Variants in MELK observed in about 807,000 individuals in gnomAD.
MELK encodes maternal embryonic leucine zipper kinase.
A neutral mutation model predicts 85.0 loss-of-function variants in MELK; 81 were observed. The ratio of observed to expected loss-of-function variants is 0.95; its 90% confidence interval spans 0.80 to 1.15. The LOEUF is 1.15. Ranked by LOEUF, MELK falls within the 50% of genes most tolerant of loss-of-function variation. The probability of loss-of-function intolerance (pLI) is 0.00; values close to 1 mark genes in which losing one functional copy is unlikely to be tolerated. For missense variants in MELK, 754 were observed against 777.5 expected (o/e 0.97, Z 0.36); for synonymous variants, 252 against 265.0 (o/e 0.95, Z 0.48).
chr9:36,640,778 C>T (rs1829684830), intron 10 of MELK, among the ~76,000 whole-genome samples: 2 of 152,258 alleles, frequency 1.3e-5, no homozygotes, highest in Admixed American at 1.3e-4. Flanking sequence ...GTGTAATAAC[C>T]CCATTTATGA....
intron 1 of MELK, among the ~76,000 whole-genome samples, chr9:36,574,217 ATTG>A (rs1821394757): frequency 6.6e-6 from 1 of 151,950 alleles, no homozygotes; most frequent in Admixed American, 6.6e-5. Flanking sequence ...TGAGTGCCTC[ATTG>A]TTGGTGCTCC....
Position 36,583,664 on chromosome 9 carries a change from T to C in MELK, c.96T>C (p.Leu32=). Reference sequence around the variant, plus strand: ...AGGTCAAACTTGCCTGCCATATCCTTACTGGAGAGATGGTAGCTATAAAAA... The same window carrying C: ...AGGTCAAACTTGCCTGCCATATCCTCACTGGAGAGATGGTAGCTATAAAAA... ...FAKVKLACHI[L]TGEMVAIKIM... is the part of the protein sequence containing the mutation. The change falls in exon 3 of 18, where the codon CTT becomes CTC. Residue 32 remains leucine, a synonymous_variant. Transcript: ENST00000298048. The C allele has an allele frequency of 6.2e-7, 1 of 1,613,050 alleles. No individual in the cohort carries two copies. Among genetic ancestry groups the C allele is most frequent in the Middle Eastern group, 1.7e-4 (1 of 6,056 alleles).
rs543901806 is a variant in MELK at position 36,580,768 on chromosome 9, G to A, written c.-38-876G>A. 9.7e-5 allele frequency among the ~76,000 whole-genome samples: 14 copies of A among 144,394 alleles called. No homozygotes were observed. The East Asian group carries it at 1.8e-3, about 19-fold the overall frequency. The allele number at this position is 144,394 out of a possible 152,430, so 94.7% of individuals were successfully genotyped here. On this transcript the variant is annotated intron_variant, in intron 1 of 17. Coordinates refer to ENST00000298048, the MANE Select transcript of MELK (RefSeq NM_014791.4). ...TTTTGAGACAAAGTCTGGCTGTTTC[G>A]CCCAGGCTAGAGTGCAATGGCACGA...
intron 2 of MELK, among the ~76,000 whole-genome samples, chr9:36,583,236 G>T (rs967449776): frequency 1.3e-5 from 2 of 152,090 alleles, no homozygotes; most frequent in African/African-American, 4.8e-5. Flanking sequence ...GTCTCCCAAA[G>T]TGCTGGGATT....
intron 5 of MELK, 123 bp downstream of exon 5, chr9:36,594,894 C>A: frequency 9.8e-5 from 87 of 883,284 alleles, no homozygotes; most frequent in Non-Finnish European, 1.3e-4. Flanking sequence ...TTGCTCCAGT[C>A]ATACCTATCA....
chr9:36,606,676 T>G (rs540817122), intron 7 of MELK: 1 of 137,156 alleles, frequency 7.3e-6, no homozygotes, highest in African/African-American at 3.1e-5. Flanking sequence ...TATATGGACA[T>G]ATATATGTAT....
intron 8 of MELK, among the ~76,000 whole-genome samples, chr9:36,613,361 C>G (rs1221902184): frequency 6.6e-5 from 10 of 152,160 alleles, no homozygotes; most frequent in Non-Finnish European, 1.0e-4. Flanking sequence ...AAATAGTTAC[C>G]AAACACCTAA....
At chr9:36,605,986 A>G (rs530284617) in intron 7 of MELK, among the ~76,000 whole-genome samples, 1 of 151,372 alleles carries the variant, frequency 6.6e-6, no homozygotes, top group African/African-American at 2.4e-5. Context: ...CTAAGGCTCA[A>G]ATGAGAGTAA....
chr9:36,596,955 C>G (rs961008736), intron 5 of MELK, among the ~76,000 whole-genome samples: 3 of 152,134 alleles, frequency 2.0e-5, no homozygotes, highest in Non-Finnish European at 4.4e-5. Context: ...TGTACCCGGA[C>G]TTTTTAACAG....
chr9:36,588,422 C>T (rs1001282312), intron 3 of MELK, among the ~76,000 whole-genome samples: 1 of 141,118 alleles, frequency 7.1e-6, no homozygotes, highest in Non-Finnish European at 1.5e-5. Context: ...TCTTGTTGCC[C>T]AGGCTGGAGT....
chr9:36,572,941 G>C lies in MELK; in HGVS notation c.-105G>C, dbSNP rs1193763330. 6.6e-6 allele frequency: 1 copy of C among 151,930 alleles called. No homozygotes were observed. The highest frequency in any genetic ancestry group is 2.4e-5 in the African/African-American group (1 of 41,292). 9.4% of individuals were successfully genotyped at this position (151,930 alleles called of 1,614,324 possible). A position where few individuals can be genotyped will look rare whatever the true frequency, so the allele number is the denominator to read the frequency against. ...TTCTTAGGAACGCCGTACCAGCCGC[G>C]TCTCTCAGGACAGCAGGCCCCTGTC... On this transcript the variant is annotated 5_prime_UTR_variant, in exon 1 of 18. Transcript: ENST00000298048.
At chr9:36,599,992 G>A (rs1367090106) in intron 7 of MELK, among the ~76,000 whole-genome samples, 3 of 152,152 alleles carry the variant, frequency 2.0e-5, no homozygotes, top group African/African-American at 4.8e-5. Context: ...TTTTGCTGAT[G>A]TGAGTGTCAT....
At chr9:36,597,008 T>A (rs1270526331) in intron 5 of MELK, among the ~76,000 whole-genome samples, 1 of 152,210 alleles carries the variant, frequency 6.6e-6, no homozygotes, top group Non-Finnish European at 1.5e-5. Context: ...TTAATTTATT[T>A]ATTTTTAAAA....
At chr9:36,617,320 CTTTTTCTT>C (rs1826931232) in intron 8 of MELK, among the ~76,000 whole-genome samples, 1 of 151,404 alleles carries the variant, frequency 6.6e-6, no homozygotes, top group South Asian at 2.1e-4. Context: ...ATTCATCAAT[CTTTTTCTT>C]TTTTTCTTTC....
At chr9:36,648,624 A>G (rs1830430662) in intron 11 of MELK, among the ~76,000 whole-genome samples, 1 of 152,176 alleles carries the variant, frequency 6.6e-6, no homozygotes, top group South Asian at 2.1e-4. Context: ...TCCCTATTCA[A>G]CTTTGAGAAC....
At chr9:36,599,324 A>AAT in intron 6 of MELK, 70 bp from the exon 7 acceptor site, 1 of 834,548 alleles carries the variant, frequency 1.2e-6, no homozygotes, top group Non-Finnish European at 1.7e-6. Flanking sequence ...AAAAAAAAAA[A>AAT]GAATGTTTAT....
intron 11 of MELK, among the ~76,000 whole-genome samples, chr9:36,643,954 A>G (rs1284266441): frequency 1.3e-5 from 2 of 151,682 alleles, no homozygotes; most frequent in Non-Finnish European, 2.9e-5. Context: ...AAAAAAGAAA[A>G]GAAACAACAA....
chr9:36,592,172 CTTTTTTTT>C (rs35073009), intron 4 of MELK, among the ~76,000 whole-genome samples: 1 of 117,326 alleles, frequency 8.5e-6, no homozygotes, highest in African/African-American at 3.4e-5. Flanking sequence ...CATTTCTTTT[CTTTTTTTT>C]TTTTTTTTTT....
At chr9:36,606,400 G>T (rs1236856261) in intron 7 of MELK, among the ~76,000 whole-genome samples, 11 of 115,492 alleles carry the variant, frequency 9.5e-5, no homozygotes, top group Non-Finnish European at 1.8e-4. Flanking sequence ...ATATACATAT[G>T]TATAGGTGTG....
Sources: gnomAD v4.1 joint callset for allele counts (sites outside exome capture counted in the v4.1 genomes callset) on GRCh38, gnomAD v4.1.1 for gene constraint, MANE v1.5 for transcripts, NCBI Gene and HGNC (gene_info 2026-07-23, HGNC 2026-07-21) for gene names.